XPNPEP2: variants seen among roughly 807,000 people sequenced by gnomAD.
The protein encoded by XPNPEP2 is X-prolyl aminopeptidase 2.
XPNPEP2 carries 64 observed loss-of-function variants against 59.8 expected under a neutral mutation model. That is an observed-to-expected ratio of 1.07 (90% confidence interval 0.87 to 1.32). XPNPEP2 has a LOEUF of 1.32. Among genes scored for constraint, XPNPEP2 ranks in the 40% most tolerant of loss-of-function variants. XPNPEP2 has a pLI of 0.00. For missense variants in XPNPEP2, 575 were observed against 546.8 expected (o/e 1.05, Z -0.51); for synonymous variants, 235 against 210.0 (o/e 1.12, Z -1.03).
chrX:129,743,729 A>G (rs997591236), intron 2 of XPNPEP2, among the ~76,000 whole-genome samples: 1 of 110,592 alleles, frequency 9.0e-6, no homozygotes, highest in Non-Finnish European at 1.9e-5. Context: ...GTCCCTTTCC[A>G]AACTCTCCAA....
At chrX:129,751,874 C>T in intron 9 of XPNPEP2, 48 bp downstream of exon 9, 1 of 1,123,337 alleles carries the variant, frequency 8.9e-7, no homozygotes, top group Non-Finnish European at 1.2e-6. Context: ...CCAACTTCCA[C>T]CCTCTTGATG....
At chrX:129,764,878 C>A (rs1002250395) in intron 19 of XPNPEP2, among the ~76,000 whole-genome samples, 1 of 110,336 alleles carries the variant, frequency 9.1e-6, no homozygotes, top group Non-Finnish European at 1.9e-5. Flanking sequence ...GCAAGAGAAT[C>A]GCTTGAACCC....
chrX:129,768,274 C>T lies in XPNPEP2; in HGVS notation c.1831-17C>T, dbSNP rs1176229106. On this transcript the variant is annotated splice_polypyrimidine_tract_variant and intron_variant, in intron 20 of 20. Coordinates refer to ENST00000371106, the MANE Select transcript of XPNPEP2 (RefSeq NM_003399.6). ...AGCTTGGCTTAGAGAGGCTGTCACC[C>T]CTTCTATCCTTCGCAGCTCCAGTAC... 2 of 1,137,683 alleles carry T rather than the reference C, an allele frequency of 1.8e-6. No individual in the cohort carries two copies. Among genetic ancestry groups the T allele is most frequent in the African/African-American group, 1.8e-5 (1 of 54,272 alleles). The allele number at this position is 1,137,683 out of a possible 1,213,427, so 93.8% of individuals were successfully genotyped here.
chrX:129,756,344 C>A, intron 13 of XPNPEP2, 140 bp from the exon 14 acceptor site: 1 of 562,631 alleles, frequency 1.8e-6, no homozygotes, highest in Non-Finnish European at 3.0e-6. Flanking sequence ...AGTTCTCTTC[C>A]AGGGCCCTTT....
At chrX:129,756,655 T>C in intron 14 of XPNPEP2, 100 bp downstream of exon 14, 1 of 896,748 alleles carries the variant, frequency 1.1e-6, no homozygotes, top group Non-Finnish European at 1.6e-6. Context: ...CCACGGATTC[T>C]TCGTCTGAAA....
At chrX:129,766,363 C>T (rs1205414370) in intron 19 of XPNPEP2, among the ~76,000 whole-genome samples, 1 of 112,138 alleles carries the variant, frequency 8.9e-6, no homozygotes, top group Non-Finnish European at 1.9e-5. Flanking sequence ...CCATGCCCAA[C>T]TAATTTTTGT....
chrX:129,739,339 T>C lies in XPNPEP2; in HGVS notation c.49+77T>C, dbSNP rs183052438. 1.9e-4 allele frequency: 198 copies of C among 1,054,913 alleles called. 1 individual carries two copies. The African/African-American group carries it at 2.9e-3, about 15-fold the overall frequency. 86.9% of individuals were successfully genotyped at this position (1,054,913 alleles called of 1,213,427 possible). On this transcript the variant is annotated intron_variant, in intron 1 of 20. Transcript: ENST00000371106. ...AGCTCAGAAAGGGTTGGAGTGAGGG[T>C]TGGGGCCCGAGTCTCTTTTTCTGTT...
chrX:129,754,712 C>A, intron 12 of XPNPEP2, 131 bp downstream of exon 12: 1 of 601,695 alleles, frequency 1.7e-6, no homozygotes, highest in Non-Finnish European at 2.5e-6. Flanking sequence ...TGGGGGAGGG[C>A]TCTGGAGAAC....
Position 129,756,996 on chromosome X carries a change from C to CTATATATATATATATATATATA in XPNPEP2, c.1367+448_1367+469dup, listed in dbSNP as rs61273791. On this transcript the variant is annotated intron_variant, in intron 14 of 20. Transcript: ENST00000371106. Reference sequence around the variant, plus strand: ...TACAGGTGTCCACCACCATGCCCAGCTATATATATATATATATATATATAT... The same window carrying CTATATATATATATATATATATA: ...TACAGGTGTCCACCACCATGCCCAGCTATATATATATATATATATATATATATATATATATATATATATATAT... 7.1e-5 allele frequency among the ~76,000 whole-genome samples: 5 copies of CTATATATATATATATATATATA among 70,417 alleles called. No homozygotes were observed. In the East Asian group the frequency reaches 2.9e-3, roughly 41 times the overall value. The allele number at this position is 70,417 out of a possible 115,157, so 61.1% of individuals were successfully genotyped here. A position where few individuals can be genotyped will look rare whatever the true frequency, so the allele number is the denominator to read the frequency against.
intron 6 of XPNPEP2, chrX:129,746,952 G>A: frequency 2.7e-6 from 1 of 369,273 alleles, no homozygotes; most frequent in Non-Finnish European, 4.7e-6. Context: ...TAAAGAGCTA[G>A]TGGATGAATA....
At chrX:129,750,326 CAAGT>C (rs1158178610) in intron 7 of XPNPEP2, 138 bp from the exon 8 acceptor site, 5 of 459,402 alleles carry the variant, frequency 1.1e-5, no homozygotes, top group Non-Finnish European at 1.8e-5. Context: ...AATGAGTACA[CAAGT>C]AAGAGTTTGT....
rs1027892124 is a variant in XPNPEP2 at position 129,739,024 on chromosome X, C to A, written c.-190C>A. The stretch of plus-strand genomic sequence containing the variant: ...CAAAGCTCCTCTGCCCACCCTGGCT[C>A]CCAGAGCCCTCCAAAACAAAAGACC... On this transcript the variant is annotated 5_prime_UTR_variant, in exon 1 of 21. Transcript: ENST00000371106. 2.1e-6 allele frequency: 1 copy of A among 470,322 alleles called. No homozygotes were observed. Among genetic ancestry groups the A allele is most frequent in the Non-Finnish European group, 3.7e-6 (1 of 273,577 alleles). The allele number at this position is 470,322 out of a possible 1,213,427, so 38.8% of individuals were successfully genotyped here.
At position 129,760,525 on chromosome X, in the gene XPNPEP2, G is replaced by A. The variant is rs770601922; in HGVS notation, c.1442G>A (p.Arg481His). Reference sequence around the variant, plus strand: ...TCTCCCCATCAGGAGGCATACACCCGTGTGCTGATAGGAAATATTGACCTG... The same window carrying A: ...TCTCCCCATCAGGAGGCATACACCCATGTGCTGATAGGAAATATTGACCTG... ...PSAFQKEAYT[R>H]VLIGNIDLSR... Residue 481 changes from arginine (R) to histidine (H), a missense_variant, in exon 16 of 21, where the codon CGT becomes CAT. Transcript: ENST00000371106. The A allele has an allele frequency of 5.0e-6, 6 of 1,211,524 alleles. No individual in the cohort carries two copies. The South Asian group carries it at 5.3e-5, about 11-fold the overall frequency.
At chrX:129,742,924 A>C (rs1415137802) in intron 2 of XPNPEP2, among the ~76,000 whole-genome samples, 1 of 110,725 alleles carries the variant, frequency 9.0e-6, no homozygotes, top group Non-Finnish European at 1.9e-5. Context: ...AAACAAAACC[A>C]AAACCAAAGA....
intron 7 of XPNPEP2, 145 bp downstream of exon 7, chrX:129,747,898 G>A: frequency 1.2e-6 from 1 of 868,071 alleles, no homozygotes; most frequent in South Asian, 2.1e-5. Context: ...TGGGATGCTT[G>A]TTTAAAATGC....
intron 18 of XPNPEP2, 133 bp from the exon 19 acceptor site, chrX:129,762,561 G>T: frequency 1.8e-6 from 1 of 544,961 alleles, no homozygotes; most frequent in Non-Finnish European, 3.1e-6. Flanking sequence ...CTAACCAGTT[G>T]TGGGGCTGCC....
chrX:129,759,423 C>G (rs12558243), intron 15 of XPNPEP2, among the ~76,000 whole-genome samples, 183 bp downstream of exon 15: 1 of 112,778 alleles, frequency 8.9e-6, no homozygotes, highest in East Asian at 2.8e-4. Context: ...ATATTTCAGG[C>G]CACTGACAAG....
chrX:129,754,599 T>A lies in XPNPEP2; in HGVS notation c.1217+18T>A. ...TTCCGAGGGTGAAGAGCCACGGCCGTCCTTTTTGGCTGACTGTCTTTTAGT... is the reference window on the plus strand; with the variant it reads ...TTCCGAGGGTGAAGAGCCACGGCCGACCTTTTTGGCTGACTGTCTTTTAGT... On this transcript the variant is annotated intron_variant, in intron 12 of 20. Coordinates refer to ENST00000371106, the MANE Select transcript of XPNPEP2 (RefSeq NM_003399.6). 1 of 1,159,114 alleles carries A rather than the reference T, an allele frequency of 8.6e-7. No homozygotes were observed. Among genetic ancestry groups the A allele is most frequent in the Admixed American group, 2.6e-5 (1 of 38,960 alleles).
intron 19 of XPNPEP2, among the ~76,000 whole-genome samples, chrX:129,764,316 A>G (rs1326271847): frequency 1.8e-5 from 2 of 109,681 alleles, no homozygotes; most frequent in Non-Finnish European, 3.8e-5. Flanking sequence ...TAAAATTAAC[A>G]CCAAATGGTC....
Sources: gnomAD v4.1 joint callset for allele counts (sites outside exome capture counted in the v4.1 genomes callset) on GRCh38, gnomAD v4.1.1 for gene constraint, MANE v1.5 for transcripts, NCBI Gene and HGNC (gene_info 2026-07-23, HGNC 2026-07-21) for gene names.